The following MAGI1 variants were observed in gnomAD, a reference collection of about 807,000 sequenced individuals.
MAGI1 encodes membrane-associated guanylate kinase, WW and PDZ domain-containing protein 1.
MAGI1 carries 58 observed loss-of-function variants against 139.9 expected under a neutral mutation model. The observed-to-expected ratio is 0.41, with a 90% CI of 0.34 to 0.52. MAGI1 has a LOEUF of 0.52. MAGI1 is among the 20% of genes least tolerant of loss of function. MAGI1 has a pLI of 0.12. For missense variants in MAGI1, 1,874 were observed against 1,901.6 expected, an observed-to-expected ratio of 0.99 and a Z score of 0.27; for synonymous variants, 812 against 737.9, an observed-to-expected ratio of 1.10 and a Z score of -1.63.
At chr3:65,496,311 G>C (rs113428014) in intron 2 of MAGI1, among the ~76,000 whole-genome samples, 3,419 of 151,602 alleles carry the variant, frequency 0.023, 121 homozygotes, top group African/African-American at 0.078. Flanking sequence ...CAAATTACTT[G>C]GATTACAGGC....
rs940951534 is a variant in MAGI1 at position 65,920,952 on chromosome 3, C to T, written c.313+117044G>A. Among the ~76,000 whole-genome samples, 5 of 151,890 alleles carry T rather than the reference C, an allele frequency of 3.3e-5. No individual in the cohort carries two copies. The East Asian group carries it at 9.7e-4, about 29-fold the overall frequency. ...GCTGAGGCAGGAGAATTGCTTGAACCCGGGAAGCAGAGGTTGCAGAGAGCC... is the reference window on the plus strand; with the variant it reads ...GCTGAGGCAGGAGAATTGCTTGAACTCGGGAAGCAGAGGTTGCAGAGAGCC... On this transcript the variant is annotated intron_variant, in intron 1 of 22. Transcript: ENST00000402939.
chr3:65,947,459 G>T (rs2063591260), intron 1 of MAGI1, among the ~76,000 whole-genome samples: 1 of 152,046 alleles, frequency 6.6e-6, no homozygotes, highest in Non-Finnish European at 1.5e-5. Context: ...AAATTTAAGG[G>T]ATGAAAACTC....
At chr3:65,504,671 T>C (rs1236571331) in intron 2 of MAGI1, among the ~76,000 whole-genome samples, 1 of 152,166 alleles carries the variant, frequency 6.6e-6, no homozygotes, top group African/African-American at 2.4e-5. Context: ...AGGGAGCTGA[T>C]GGAGTTGACG....
chr3:65,745,462 C>G (rs892049433), intron 1 of MAGI1, among the ~76,000 whole-genome samples: 2 of 152,298 alleles, frequency 1.3e-5, no homozygotes, highest in South Asian at 4.1e-4. Context: ...GTATTACTTA[C>G]AATTGGAAGC....
chr3:65,486,766 C>T (rs1951663797), intron 3 of MAGI1, among the ~76,000 whole-genome samples: 1 of 152,202 alleles, frequency 6.6e-6, no homozygotes, highest in South Asian at 2.1e-4. Context: ...AGGGGCTCTA[C>T]TCTGTTGGGA....
At chr3:65,680,810 A>C (rs1324773682) in intron 1 of MAGI1, among the ~76,000 whole-genome samples, 1 of 112,078 alleles carries the variant, frequency 8.9e-6, no homozygotes, top group African/African-American at 4.5e-5. Context: ...TTTAATAATT[A>C]TTAAAATCAT....
At chr3:65,993,064 C>G (rs1410104329) in intron 1 of MAGI1, among the ~76,000 whole-genome samples, 3 of 152,014 alleles carry the variant, frequency 2.0e-5, no homozygotes, top group Admixed American at 6.6e-5. Flanking sequence ...CTCCTGTGCT[C>G]AAGCGATCCT....
At chr3:65,563,348 C>T (rs184249014) in intron 2 of MAGI1, among the ~76,000 whole-genome samples, 81 of 152,304 alleles carry the variant, frequency 5.3e-4, no homozygotes, top group Non-Finnish European at 9.3e-4. Flanking sequence ...TTCAAGGTGA[C>T]ACTCAATGAT....
At chr3:65,455,817 T>A (rs919515203) in intron 5 of MAGI1, among the ~76,000 whole-genome samples, 3 of 152,198 alleles carry the variant, frequency 2.0e-5, no homozygotes, top group African/African-American at 7.2e-5. Context: ...TATGACTGGC[T>A]TTTCCCCTCA....
At chr3:65,580,896 T>G (rs2108122485) in intron 2 of MAGI1, among the ~76,000 whole-genome samples, 1 of 152,272 alleles carries the variant, frequency 6.6e-6, no homozygotes, top group East Asian at 1.9e-4. Flanking sequence ...GATATTTAGA[T>G]TCAAAATACC....
chr3:65,912,695 C>A (rs2061721869), intron 1 of MAGI1, among the ~76,000 whole-genome samples: 1 of 152,038 alleles, frequency 6.6e-6, no homozygotes, highest in Non-Finnish European at 1.5e-5. Context: ...AATAAGGATT[C>A]TTTTTTAGTT....
At chr3:66,017,304 C>T (rs934773020) in intron 1 of MAGI1, among the ~76,000 whole-genome samples, 5 of 152,218 alleles carry the variant, frequency 3.3e-5, no homozygotes, top group Non-Finnish European at 5.9e-5. Context: ...ATGGAAAAAC[C>T]GGGAAGCTCC....
chr3:65,587,023 A>G (rs940630), intron 2 of MAGI1, among the ~76,000 whole-genome samples: 95,001 of 151,952 alleles, frequency 0.63, 29,939 homozygotes, highest in East Asian at 0.81. Flanking sequence ...CTGGTGAATT[A>G]CCCCGAGATC....
intron 2 of MAGI1, among the ~76,000 whole-genome samples, chr3:65,494,381 T>G (rs983807997): frequency 2.0e-5 from 3 of 152,114 alleles, no homozygotes. Flanking sequence ...GTCATCCAGC[T>G]CAGGTGCTGG....
rs770309347 is a variant in MAGI1 at position 65,668,590 on chromosome 3, G to A, written c.314-46502C>T. 5.4e-5 allele frequency among the ~76,000 whole-genome samples: 7 copies of A among 130,068 alleles called. No individual in the cohort carries two copies. In the South Asian group the frequency reaches 1.2e-3, roughly 22 times the overall value. The allele number at this position is 130,068 out of a possible 152,430, so 85.3% of individuals were successfully genotyped here. ...TTTTTTTTTTTTTTTTTTTTGACAC[G>A]GAGTCTCACTCTGTCGCCCAGGCTG... On this transcript the variant is annotated intron_variant, in intron 1 of 22. Coordinates refer to ENST00000402939, the MANE Select transcript of MAGI1 (RefSeq NM_001033057.2).
intron 2 of MAGI1, among the ~76,000 whole-genome samples, chr3:65,506,649 G>A (rs576770432): frequency 1.3e-5 from 2 of 152,066 alleles, no homozygotes; most frequent in African/African-American, 2.4e-5. Flanking sequence ...TTAGCCACTA[G>A]CACGGATCCA....
At chr3:65,703,707 C>T (rs2089772907) in intron 1 of MAGI1, among the ~76,000 whole-genome samples, 1 of 152,150 alleles carries the variant, frequency 6.6e-6, no homozygotes, top group South Asian at 2.1e-4. Flanking sequence ...CACAGGCTTC[C>T]CAGTGTGCCC....
At chr3:65,725,376 A>G (rs1418821795) in intron 1 of MAGI1, among the ~76,000 whole-genome samples, 1 of 152,216 alleles carries the variant, frequency 6.6e-6, no homozygotes. Flanking sequence ...ATTTGAGCAC[A>G]CACTATAGCT....
At chr3:65,627,323 T>G (rs916117952) in intron 1 of MAGI1, among the ~76,000 whole-genome samples, 3 of 152,056 alleles carry the variant, frequency 2.0e-5, no homozygotes, top group African/African-American at 7.2e-5. Flanking sequence ...AAGGCCACAT[T>G]TCTTAGAATG....
Sources: gnomAD v4.1 joint callset for allele counts (sites outside exome capture counted in the v4.1 genomes callset) on GRCh38, gnomAD v4.1.1 for gene constraint, MANE v1.5 for transcripts, NCBI Gene and HGNC (gene_info 2026-07-23, HGNC 2026-07-21) for gene names.